Variants in CDH12 observed in about 807,000 individuals in gnomAD.
CDH12 encodes cadherin 12.
CDH12 carries 41 observed loss-of-function variants against 74.1 expected under a neutral mutation model. The ratio of observed to expected loss-of-function variants is 0.55; its 90% CI spans 0.43 to 0.72. CDH12 has a LOEUF of 0.72. CDH12 is among the 30% of genes least tolerant of loss of function. The pLI, the probability that CDH12 is intolerant of heterozygous loss-of-function variation, is 0.00. For missense variants in CDH12, 945 were observed against 977.2 expected (o/e 0.97, Z 0.44); for synonymous variants, 399 against 355.0 (o/e 1.12, Z -1.39).
chr5:22,597,506 C>G (rs1736658652), intron 1 of CDH12, among the ~76,000 whole-genome samples: 1 of 152,144 alleles, frequency 6.6e-6, no homozygotes, highest in Non-Finnish European at 1.5e-5. Context: ...CATCTTCCTT[C>G]CCCACCAGAT....
intron 3 of CDH12, among the ~76,000 whole-genome samples, chr5:22,377,971 C>T (rs2126371005): frequency 6.6e-6 from 1 of 152,240 alleles, no homozygotes. Flanking sequence ...TTATTTCACT[C>T]ACTAATGGAG....
chr5:22,607,464 A>G (rs1737176020), intron 1 of CDH12, among the ~76,000 whole-genome samples: 1 of 152,226 alleles, frequency 6.6e-6, no homozygotes, highest in South Asian at 2.1e-4. Flanking sequence ...CAGCAGCAAG[A>G]GAAAATGAGG....
chr5:22,547,380 T>C (rs1223211519), intron 1 of CDH12, among the ~76,000 whole-genome samples: 2 of 152,260 alleles, frequency 1.3e-5, no homozygotes, highest in Non-Finnish European at 2.9e-5. Context: ...TGGCCGGTGA[T>C]TCAGAATGCT....
chr5:22,748,579 C>T (rs1745406416), intron 1 of CDH12, among the ~76,000 whole-genome samples: 1 of 152,052 alleles, frequency 6.6e-6, no homozygotes. Flanking sequence ...CTTAGGCTAT[C>T]TTTTATAATT....
chr5:22,525,542 G>A lies in CDH12; in HGVS notation c.-522-20178C>T, dbSNP rs146835348. ...GAAGGAAAGAAGGGAGGGAGAGAGG[G>A]AGGGAGGGAGGGAATGGAATGCATT... On this transcript the variant is annotated intron_variant, in intron 1 of 14. Transcript: ENST00000382254. Among the ~76,000 whole-genome samples, 1,243 of 149,526 alleles carry A rather than the reference G, an allele frequency of 8.3e-3. 18 individuals are homozygous for A. The highest frequency in any genetic ancestry group is 0.029 in the African/African-American group (1,181 of 41,026).
intron 1 of CDH12, among the ~76,000 whole-genome samples, chr5:22,634,702 T>C (rs1051706960): frequency 6.6e-6 from 1 of 152,122 alleles, no homozygotes; most frequent in Admixed American, 6.6e-5. Flanking sequence ...ATCAATTGAA[T>C]ACTAGCAATG....
chr5:22,311,419 T>G (rs1423641702), intron 3 of CDH12, among the ~76,000 whole-genome samples: 2 of 151,966 alleles, frequency 1.3e-5, no homozygotes, highest in Non-Finnish European at 2.9e-5. Flanking sequence ...TTTAAACAAT[T>G]GTGGGCCGGG....
intron 4 of CDH12, among the ~76,000 whole-genome samples, chr5:22,204,473 A>AT (rs1328451352): frequency 5.3e-5 from 8 of 152,224 alleles, no homozygotes; most frequent in African/African-American, 1.2e-4. Flanking sequence ...ATTCACATGT[A>AT]TTTTTTTAAG....
intron 6 of CDH12, among the ~76,000 whole-genome samples, chr5:21,971,870 T>A (rs4028696): frequency 6.6e-6 from 1 of 152,176 alleles, no homozygotes; most frequent in South Asian, 2.1e-4. Context: ...TTCCCTGGAA[T>A]ATTAGATGTA....
At chr5:22,785,322 T>C (rs532294450) in intron 1 of CDH12, among the ~76,000 whole-genome samples, 1 of 152,310 alleles carries the variant, frequency 6.6e-6, no homozygotes, top group East Asian at 1.9e-4. Flanking sequence ...AAGACCAGTA[T>C]GATAAGTTGT....
At chr5:22,119,010 T>C (rs558105635) in intron 4 of CDH12, among the ~76,000 whole-genome samples, 12 of 152,082 alleles carry the variant, frequency 7.9e-5, no homozygotes, top group Non-Finnish European at 1.6e-4. Flanking sequence ...ATAAACAATT[T>C]GAGAACAAGA....
At chr5:22,405,961 G>A (rs1580614267) in intron 2 of CDH12, among the ~76,000 whole-genome samples, 1 of 152,086 alleles carries the variant, frequency 6.6e-6, no homozygotes, top group African/African-American at 2.4e-5. Context: ...TATGTAAATA[G>A]TAGTTATACT....
chr5:21,824,099 C>A (rs1459845003), intron 8 of CDH12, among the ~76,000 whole-genome samples: 1 of 152,116 alleles, frequency 6.6e-6, no homozygotes, highest in South Asian at 2.1e-4. Context: ...ATTAAGACTT[C>A]TCCCCTTGGC....
chr5:22,819,749 A>G (rs1325582568), intron 1 of CDH12, among the ~76,000 whole-genome samples: 1 of 151,454 alleles, frequency 6.6e-6, no homozygotes, highest in Non-Finnish European at 1.5e-5. Context: ...TTAAAAATAT[A>G]AAAATGAACT....
At chr5:22,489,552 A>G (rs901552559) in intron 2 of CDH12, among the ~76,000 whole-genome samples, 2 of 152,130 alleles carry the variant, frequency 1.3e-5, no homozygotes, top group African/African-American at 4.8e-5. Context: ...TATAGCTACA[A>G]AAAATAATCT....
At chr5:22,599,436 C>A (rs961395784) in intron 1 of CDH12, among the ~76,000 whole-genome samples, 2 of 152,168 alleles carry the variant, frequency 1.3e-5, no homozygotes, top group African/African-American at 4.8e-5. Context: ...GCCCTCTGGC[C>A]ACTGCCCCAG....
intron 4 of CDH12, among the ~76,000 whole-genome samples, chr5:22,160,856 G>A (rs1365570079): frequency 6.6e-6 from 1 of 152,122 alleles, no homozygotes; most frequent in South Asian, 2.1e-4. Context: ...CACCACAGGG[G>A]TTACTTTTCA....
chr5:22,401,962 C>A (rs1742747560), intron 3 of CDH12, among the ~76,000 whole-genome samples: 1 of 152,308 alleles, frequency 6.6e-6, no homozygotes, highest in Admixed American at 6.5e-5. Context: ...AACAGACTCT[C>A]TGAGCCTCCA....
chr5:22,519,527 C>T (rs1356254764), intron 1 of CDH12, among the ~76,000 whole-genome samples: 2 of 151,342 alleles, frequency 1.3e-5, no homozygotes, highest in African/African-American at 4.9e-5. Flanking sequence ...GGGTTCATGC[C>T]ATTCTCCTGC....
Sources: allele counts gnomAD v4.1 joint callset (sites outside exome capture counted in the v4.1 genomes callset), GRCh38; gene constraint gnomAD v4.1.1; transcripts MANE v1.5; gene names NCBI Gene and HGNC (gene_info 2026-07-23, HGNC 2026-07-21).